Variants in ZNG1B observed in about 807,000 individuals in gnomAD.
ZNG1B encodes Zn regulated GTPase metalloprotein activator 1B.
the ZNG1B span, chr2:113,481,571 G>A: frequency 6.6e-6 from 1 of 150,728 alleles, no homozygotes; most frequent in African/African-American, 2.4e-5. Context: ...CAGTTATTAT[G>A]GTTGTAATTT....
the ZNG1B span, among the ~76,000 whole-genome samples, chr2:113,442,693 G>C: frequency 6.6e-6 from 1 of 151,768 alleles, no homozygotes; most frequent in Non-Finnish European, 1.5e-5. Context: ...TTTCCTTAAT[G>C]TTCTGTATAT....
At chr2:113,443,190 G>A in the ZNG1B span, among the ~76,000 whole-genome samples, 5 of 151,944 alleles carry the variant, frequency 3.3e-5, no homozygotes, top group African/African-American at 2.4e-5. Flanking sequence ...GGATGGTCTC[G>A]ATCTCCTGAC....
chr2:113,479,978 T>G, the ZNG1B span, among the ~76,000 whole-genome samples: 1 of 151,988 alleles, frequency 6.6e-6, no homozygotes, highest in African/African-American at 2.4e-5. Context: ...CACACTACCA[T>G]GCCTGGCTAA....
the ZNG1B span, among the ~76,000 whole-genome samples, chr2:113,487,697 A>G: frequency 1.4e-5 from 2 of 144,748 alleles, no homozygotes; most frequent in African/African-American, 5.8e-5. Context: ...ATGTTGTAGT[A>G]TATGACGGGA....
the ZNG1B span, among the ~76,000 whole-genome samples, chr2:113,456,435 A>G: frequency 7.0e-6 from 1 of 142,912 alleles, no homozygotes; most frequent in Non-Finnish European, 1.5e-5. Flanking sequence ...TATGTGACAG[A>G]TAACTGCTAA....
chr2:113,440,313 T>C, the ZNG1B span, among the ~76,000 whole-genome samples: 2 of 152,038 alleles, frequency 1.3e-5, no homozygotes, highest in African/African-American at 2.4e-5. Context: ...GTTTTTTTTT[T>C]CATAATATGG....
the ZNG1B span, among the ~76,000 whole-genome samples, chr2:113,474,801 G>T: frequency 6.6e-6 from 1 of 152,108 alleles, no homozygotes; most frequent in Non-Finnish European, 1.5e-5. Flanking sequence ...GAGTGGTTTT[G>T]AGTGAGATTC....
chr2:113,462,656 A>G, the ZNG1B span: 1 of 759,286 alleles, frequency 1.3e-6, no homozygotes, highest in Non-Finnish European at 2.1e-6. Flanking sequence ...TGTTATATAA[A>G]TGGTAATACA....
chr2:113,461,944 TAAGTG>T, the ZNG1B span, among the ~76,000 whole-genome samples: 2 of 151,752 alleles, frequency 1.3e-5, no homozygotes, highest in East Asian at 3.9e-4. Context: ...TTTTTAGTAT[TAAGTG>T]AAGTTATTCT....
At chr2:113,469,988 GTTC>G in the ZNG1B span, 3 of 135,138 alleles carry the variant, frequency 2.2e-5, no homozygotes, top group Admixed American at 2.3e-4. Context: ...GTCCTCTGCT[GTTC>G]TTTTTTTTTT....
At chr2:113,457,204 G>A in the ZNG1B span, 4 of 447,748 alleles carry the variant, frequency 8.9e-6, no homozygotes, top group Admixed American at 9.7e-5. Flanking sequence ...ACCCAGAGAA[G>A]GTCAAGTGAG....
the ZNG1B span, chr2:113,462,474 G>C: frequency 6.3e-7 from 1 of 1,598,318 alleles, no homozygotes; most frequent in Admixed American, 1.7e-5. Flanking sequence ...AAGATGTAAA[G>C]AAATTAAGAG....
chr2:113,457,653 T>C, the ZNG1B span, among the ~76,000 whole-genome samples: 2 of 149,734 alleles, frequency 1.3e-5, no homozygotes, highest in Non-Finnish European at 3.0e-5. Flanking sequence ...TGAGGTACAA[T>C]TGACAAGTAA....
At chr2:113,438,912 A>G in the ZNG1B span, 1 of 1,503,182 alleles carries the variant, frequency 6.7e-7, no homozygotes, top group Non-Finnish European at 9.0e-7. Context: ...TAAAAATAAG[A>G]AATAACTGCT....
the ZNG1B span, among the ~76,000 whole-genome samples, chr2:113,463,288 G>T: frequency 6.6e-6 from 1 of 152,050 alleles, no homozygotes; most frequent in Non-Finnish European, 1.5e-5. Context: ...AGAGACATTC[G>T]GTAGCTATTA....
chr2:113,449,237 G>A, the ZNG1B span, among the ~76,000 whole-genome samples: 1 of 152,024 alleles, frequency 6.6e-6, no homozygotes. Context: ...TCAGCAATAA[G>A]GCTGTTTCAT....
chr2:113,475,250 T>C, the ZNG1B span, among the ~76,000 whole-genome samples: 2 of 150,874 alleles, frequency 1.3e-5, no homozygotes, highest in South Asian at 2.1e-4. Flanking sequence ...GTAATGGCCT[T>C]CTTTGTCTCT....
chr2:113,450,462 C>A, the ZNG1B span, among the ~76,000 whole-genome samples: 1 of 150,248 alleles, frequency 6.7e-6, no homozygotes, highest in East Asian at 2.0e-4. Context: ...GTTATATAGG[C>A]TCTAAGTTTC....
At chr2:113,451,090 A>C in the ZNG1B span, among the ~76,000 whole-genome samples, 3 of 152,240 alleles carry the variant, frequency 2.0e-5, no homozygotes, top group Non-Finnish European at 2.9e-5. Context: ...TCCCAAAGCA[A>C]GGAGATGGTT....
Sources: gnomAD v4.1 joint callset for allele counts (sites outside exome capture counted in the v4.1 genomes callset) on GRCh38, gnomAD v4.1.1 for gene constraint, MANE v1.5 for transcripts, NCBI Gene and HGNC (gene_info 2026-07-23, HGNC 2026-07-21) for gene names.